The following LRP1B variants were observed in gnomAD, a reference collection of about 807,000 sequenced individuals.
LRP1B encodes low-density lipoprotein receptor-related protein 1B.
In LRP1B, 217 loss-of-function variants were observed where a neutral mutation model predicts 556.6. The ratio of observed to expected loss-of-function variants is 0.39; its 90% confidence interval spans 0.35 to 0.44. LRP1B has a LOEUF of 0.44. LRP1B is among the 20% of genes least tolerant of loss of function. The pLI is 1.00. For missense variants in LRP1B, 5,053 were observed against 5,620.8 expected (o/e 0.90, Z 3.23); for synonymous variants, 2,047 against 1,865.8 (o/e 1.10, Z -2.50).
At chr2:141,677,545 A>G (rs1421516554) in intron 2 of LRP1B, among the ~76,000 whole-genome samples, 1 of 152,128 alleles carries the variant, frequency 6.6e-6, no homozygotes, top group Admixed American at 6.5e-5. Context: ...GCTGGACTGC[A>G]ATGGCACAAT....
At chr2:140,352,090 T>C (rs568500695) in intron 76 of LRP1B, among the ~76,000 whole-genome samples, 2 of 152,270 alleles carry the variant, frequency 1.3e-5, no homozygotes, top group Non-Finnish European at 2.9e-5. Context: ...GAAGTTACAG[T>C]ATTATTTAGC....
intron 41 of LRP1B, among the ~76,000 whole-genome samples, chr2:140,615,958 A>C (rs565112): frequency 0.086 from 13,145 of 152,068 alleles, 853 homozygotes; most frequent in African/African-American, 0.18. Flanking sequence ...GAACCTACTC[A>C]TTATAGGTAG....
chr2:142,096,975 G>A lies in LRP1B; in HGVS notation c.82+33673C>T, dbSNP rs140284151. Among the ~76,000 whole-genome samples the A allele has an allele frequency of 4.6e-5, 7 of 150,878 alleles. No homozygotes were observed. The East Asian group carries it at 1.2e-3, about 25-fold the overall frequency. ...AATCTGATGGAGTGACTTTATAATCGCTGATCCTTATAAGTGTCTATTTGT... is the reference window on the plus strand; with the variant it reads ...AATCTGATGGAGTGACTTTATAATCACTGATCCTTATAAGTGTCTATTTGT... On this transcript the variant is annotated intron_variant, in intron 1 of 90. Coordinates refer to ENST00000389484, the MANE Select transcript of LRP1B (RefSeq NM_018557.3).
intron 41 of LRP1B, among the ~76,000 whole-genome samples, chr2:140,647,283 C>T (rs1559029528): frequency 6.6e-6 from 1 of 152,150 alleles, no homozygotes; most frequent in Non-Finnish European, 1.5e-5. Context: ...AGGAGTTCTG[C>T]AATAAATAGT....
rs147231192 is a variant in LRP1B, at chr2:140,950,275, C to T, written c.3096G>A (p.Gly1032=). 1.2e-6 allele frequency: 2 copies of T among 1,610,136 alleles called. No homozygotes were observed. Among genetic ancestry groups the T allele is most frequent in the South Asian group, 2.2e-5 (2 of 90,464 alleles). Reference sequence around the variant, plus strand: ...TGATCTGGGCTTCATCACTGAAGTCCCCACAGTCATTGTCACCATCACAGG... The same window carrying T: ...TGATCTGGGCTTCATCACTGAAGTCTCCACAGTCATTGTCACCATCACAGG... ...HWACDGDNDC[G]DFSDEAQINC... The change falls in exon 20 of 91, where the codon GGG becomes GGA. Residue 1032 remains glycine (G), a synonymous_variant. Coordinates refer to ENST00000389484, the MANE Select transcript of LRP1B (RefSeq NM_018557.3).
At chr2:142,053,479 TAC>T (rs1310404774) in intron 1 of LRP1B, among the ~76,000 whole-genome samples, 1 of 151,848 alleles carries the variant, frequency 6.6e-6, no homozygotes, top group Non-Finnish European at 1.5e-5. Flanking sequence ...AAAGGTTATA[TAC>T]ATATATATAT....
At chr2:141,244,093 C>A (rs1405215044) in intron 5 of LRP1B, among the ~76,000 whole-genome samples, 1 of 152,124 alleles carries the variant, frequency 6.6e-6, no homozygotes, top group Non-Finnish European at 1.5e-5. Context: ...TGATACTGTT[C>A]TATGTTGCAC....
chr2:140,444,603 T>C lies in LRP1B; in HGVS notation c.10134A>G (p.Gly3378=). The change falls in exon 64 of 91, where the codon GGA becomes GGG. Residue 3378 remains glycine, a synonymous_variant. Coordinates refer to ENST00000389484, the MANE Select transcript of LRP1B (RefSeq NM_018557.3). ...LCALPAFICD[G]ENDCGDNSDE... is the part of the protein sequence containing the mutation. ...CAGAATTGTCTCCACAATCATTCTC[T>C]CCATCACAGATGAAAGCTGGTAGAG... The C allele has an allele frequency of 6.2e-7, 1 of 1,614,032 alleles. No homozygotes were observed. The highest frequency in any genetic ancestry group is 2.2e-5 in the East Asian group (1 of 44,836).
intron 1 of LRP1B, among the ~76,000 whole-genome samples, chr2:142,107,706 C>A (rs1056817403): frequency 6.6e-6 from 1 of 151,774 alleles, no homozygotes; most frequent in African/African-American, 2.4e-5. Context: ...CGGCTCATTG[C>A]AACCTCCGCC....
intron 2 of LRP1B, among the ~76,000 whole-genome samples, chr2:141,709,280 C>A (rs1451233529): frequency 6.6e-6 from 1 of 151,770 alleles, no homozygotes; most frequent in African/African-American, 2.4e-5. Context: ...ACCTGGGAGG[C>A]AGAAGTTGCA....
intron 32 of LRP1B, 77 bp downstream of exon 32, chr2:140,813,580 C>T (rs1035021822): frequency 7.4e-7 from 1 of 1,355,766 alleles, no homozygotes; most frequent in Non-Finnish European, 1.0e-6. Flanking sequence ...AGTAACTTTC[C>T]TAAGCTTTTA....
intron 66 of LRP1B, among the ~76,000 whole-genome samples, chr2:140,413,459 C>T (rs1386192541): frequency 6.6e-6 from 1 of 152,126 alleles, no homozygotes; most frequent in African/African-American, 2.4e-5. Flanking sequence ...AAAGACAACG[C>T]TACACCTAGA....
In LRP1B at chr2:141,194,877, G is replaced by A. The variant is rs572899308; in HGVS notation, c.851-6294C>T. Among the ~76,000 whole-genome samples the A allele has an allele frequency of 2.0e-5, 3 of 152,120 alleles. No individual in the cohort carries two copies. In the East Asian group the frequency reaches 5.8e-4, roughly 29 times the overall value. ...TCAAAAATATTAGTTATCTCCCAGAGGGAACAAAAAGACTGCCCTTTAATT... is the reference window on the plus strand; with the variant it reads ...TCAAAAATATTAGTTATCTCCCAGAAGGAACAAAAAGACTGCCCTTTAATT... On this transcript the variant is annotated intron_variant, in intron 6 of 90. Coordinates refer to ENST00000389484, the MANE Select transcript of LRP1B (RefSeq NM_018557.3).
chr2:140,629,053 C>CTTTTTAA (rs1199808544), intron 41 of LRP1B, among the ~76,000 whole-genome samples: 1 of 151,746 alleles, frequency 6.6e-6, no homozygotes, highest in Non-Finnish European at 1.5e-5. Context: ...TCGGGTAGTT[C>CTTTTTAA]TTTTTTATTT....
At chr2:141,212,541 C>T (rs1467369445) in intron 6 of LRP1B, among the ~76,000 whole-genome samples, 1 of 151,328 alleles carries the variant, frequency 6.6e-6, no homozygotes. Context: ...ACCTCGGCCT[C>T]CCAGAGTGCT....
At chr2:141,122,648 G>T (rs143044787) in intron 7 of LRP1B, among the ~76,000 whole-genome samples, 5,218 of 152,242 alleles carry the variant, frequency 0.034, 213 homozygotes, top group East Asian at 0.16. Context: ...TTATACTGTT[G>T]GTGGGACTGT....
chr2:140,700,697 GA>G (rs1347370580), intron 40 of LRP1B, 76 bp from the exon 41 acceptor site: 1 of 1,459,438 alleles, frequency 6.9e-7, no homozygotes, highest in Non-Finnish European at 9.4e-7. Flanking sequence ...TCTCCATAAA[GA>G]AATATTAAAA....
chr2:141,895,674 G>T (rs1699430342), intron 1 of LRP1B, among the ~76,000 whole-genome samples: 1 of 152,070 alleles, frequency 6.6e-6, no homozygotes. Flanking sequence ...TATGAAACTA[G>T]ATTTATTTCT....
intron 31 of LRP1B, among the ~76,000 whole-genome samples, chr2:140,831,872 T>C (rs998437602): frequency 6.6e-6 from 1 of 152,152 alleles, no homozygotes; most frequent in African/African-American, 2.4e-5. Context: ...TGAGTAGGCA[T>C]GTCTCAAAAA....
Sources: gnomAD v4.1 joint callset for allele counts (sites outside exome capture counted in the v4.1 genomes callset) on GRCh38, gnomAD v4.1.1 for gene constraint, MANE v1.5 for transcripts, NCBI Gene and HGNC (gene_info 2026-07-23, HGNC 2026-07-21) for gene names.